Variants in EPSTI1 observed in about 807,000 individuals in gnomAD.
EPSTI1 encodes epithelial-stromal interaction protein 1.
EPSTI1 carries 66 observed loss-of-function variants against 49.9 expected under a neutral mutation model. The observed-to-expected ratio is 1.32, with a 90% confidence interval of 1.08 to 1.62. The LOEUF (loss-of-function observed/expected upper bound fraction) is 1.62. EPSTI1 is among the 40% of genes most tolerant of loss of function. The probability of loss-of-function intolerance (pLI) is 0.00; values close to 1 mark genes in which losing one functional copy is unlikely to be tolerated. For synonymous variants in EPSTI1, 137 were observed against 130.7 expected, an observed-to-expected ratio of 1.05 and a Z score of -0.33; for missense variants, 394 against 365.5, an observed-to-expected ratio of 1.08 and a Z score of -0.64.
intron 2 of EPSTI1, chr13:42,970,062 C>A (rs891529037): frequency 6.6e-6 from 1 of 152,312 alleles, no homozygotes; most frequent in Non-Finnish European, 1.5e-5. Context: ...CCCTTTTGTG[C>A]CTTTCTGTCC....
At chr13:42,909,226 C>A (rs2037593949) in intron 8 of EPSTI1, among the ~76,000 whole-genome samples, 1 of 152,012 alleles carries the variant, frequency 6.6e-6, no homozygotes, top group Non-Finnish European at 1.5e-5. Flanking sequence ...CAAACTAAAA[C>A]CACGATGAGC....
intron 8 of EPSTI1, among the ~76,000 whole-genome samples, chr13:42,909,512 A>C (rs2037602672): frequency 6.6e-6 from 1 of 152,234 alleles, no homozygotes; most frequent in Admixed American, 6.5e-5. Context: ...TACTGTTCAC[A>C]ATAGCCAAGA....
At chr13:42,961,290 A>G (rs940632633) in intron 5 of EPSTI1, among the ~76,000 whole-genome samples, 20 of 152,320 alleles carry the variant, frequency 1.3e-4, no homozygotes, top group Admixed American at 3.3e-4. Context: ...TGATTTCCAC[A>G]TCGTAAATAT....
At position 42,922,983 on chromosome 13, in the gene EPSTI1, C is replaced by T. The variant is rs887280536; in HGVS notation, c.657+3353G>A. Among the ~76,000 whole-genome samples the T allele has an allele frequency of 3.3e-5, 5 of 152,118 alleles. No homozygotes were observed. The highest frequency in any genetic ancestry group is 5.9e-5 in the Non-Finnish European group (4 of 68,026). ...ATTTCAAAAGCTTTGCTTCCCCTTA[C>T]CTTGCTTGCAAAAGCTTTGCTTCCC... On this transcript the variant is annotated intron_variant, in intron 7 of 10. Transcript: ENST00000313624. This position sits in a 1 kb window ranked among gnomAD's most constrained non-coding sequence, Gnocchi z 4.8.
chr13:42,901,054 C>T (rs1304807267), intron 8 of EPSTI1, among the ~76,000 whole-genome samples: 2 of 151,982 alleles, frequency 1.3e-5, no homozygotes, highest in African/African-American at 4.8e-5. Context: ...AGTATTATAC[C>T]GAAGAACCAA....
chr13:42,925,383 C>T (rs2038138818), intron 7 of EPSTI1, among the ~76,000 whole-genome samples: 1 of 152,148 alleles, frequency 6.6e-6, no homozygotes, highest in African/African-American at 2.4e-5. Context: ...GGTTTTCTAC[C>T]AGGAGCACCA....
chr13:42,981,163 C>A (rs2039980724), intron 1 of EPSTI1, among the ~76,000 whole-genome samples: 1 of 152,144 alleles, frequency 6.6e-6, no homozygotes, highest in African/African-American at 2.4e-5. Context: ...ACAAAGGAAC[C>A]ATCATCAGCC....
At chr13:42,940,999 T>C (rs2038734631) in intron 6 of EPSTI1, among the ~76,000 whole-genome samples, 1 of 152,226 alleles carries the variant, frequency 6.6e-6, no homozygotes. Flanking sequence ...GCAAATATTT[T>C]TTCCTAGATT....
In EPSTI1 at chr13:42,966,799, C is replaced by T. The variant is rs1434783265; in HGVS notation, c.331+2295G>A. Among the ~76,000 whole-genome samples the T allele has an allele frequency of 7.0e-5, 6 of 85,988 alleles. 3 individuals carry two copies. The highest frequency in any genetic ancestry group is 2.1e-4 in the African/African-American group (6 of 28,122). The allele number at this position is 85,988 out of a possible 152,430, so 56.4% of individuals were successfully genotyped here. A position where few individuals can be genotyped will look rare whatever the true frequency, so the allele number is the denominator to read the frequency against. ...GGTGTGCCCAACAGCTCATTGAGAA[C>T]GGGCCAGGATGACAATGGCGGCTTT... is the stretch of plus-strand genomic sequence containing the variant. On this transcript the variant is annotated intron_variant, in intron 3 of 10. Coordinates refer to ENST00000313624, the MANE Select transcript of EPSTI1 (RefSeq NM_033255.5).
chr13:42,903,816 TTTATTTATAAAC>T (rs1175082520), intron 8 of EPSTI1, among the ~76,000 whole-genome samples: 1 of 152,202 alleles, frequency 6.6e-6, no homozygotes, highest in African/African-American at 2.4e-5. Flanking sequence ...CACAGGTGAA[TTTATTTATAAAC>T]TTGGAGTGAG....
intron 10 of EPSTI1, among the ~76,000 whole-genome samples, chr13:42,890,305 T>C (rs1172240269): frequency 6.7e-6 from 1 of 148,512 alleles, no homozygotes; most frequent in Non-Finnish European, 1.5e-5. Flanking sequence ...TCTTTTTTTT[T>C]TTTTTTTTTT....
chr13:42,991,929 G>T, intron 1 of EPSTI1, 49 bp downstream of exon 1: 3 of 1,607,754 alleles, frequency 1.9e-6, no homozygotes, highest in Non-Finnish European at 8.5e-7. Flanking sequence ...GAGTGAGTAT[G>T]TTTGGGGCCC....
intron 6 of EPSTI1, among the ~76,000 whole-genome samples, chr13:42,931,445 T>G (rs2038368346): frequency 6.6e-6 from 1 of 151,860 alleles, no homozygotes; most frequent in Non-Finnish European, 1.5e-5. Context: ...GACCTCATGA[T>G]CCACCCGCCT....
In EPSTI1 at chr13:42,895,020, C is replaced by T. The variant is rs779970070; in HGVS notation, c.904G>A (p.Gly302Ser). ...AAGAAAAAACTCACCCAGCTGTTAC[C>T]GCTATTCATATTCCAACAGCCTCCA... ...QSGGCWNMNS[G>S]NSWGI Residue 302 changes from glycine (G) to serine (S), a missense_variant, in exon 10 of 11, where the codon GGT (glycine) becomes AGT (serine). Coordinates refer to ENST00000313624, the MANE Select transcript of EPSTI1 (RefSeq NM_033255.5). The T allele has an allele frequency of 2.0e-5, 33 of 1,611,204 alleles. No individual in the cohort carries two copies. The highest frequency in any genetic ancestry group is 2.5e-5 in the Non-Finnish European group (30 of 1,178,466).
chr13:42,946,739 C>T (rs1203661664), intron 6 of EPSTI1, among the ~76,000 whole-genome samples: 3 of 152,208 alleles, frequency 2.0e-5, no homozygotes, highest in Non-Finnish European at 1.5e-5. Context: ...GTGCTCACCA[C>T]CCCTATGTAT....
Position 42,946,470 on chromosome 13 carries a change from G to A in EPSTI1, c.563+7478C>T, listed in dbSNP as rs2038920771. Among the ~76,000 whole-genome samples, 10 of 152,156 alleles carry A rather than the reference G, an allele frequency of 6.6e-5. 1 individual carries two copies. The highest frequency in any genetic ancestry group is 6.5e-4 in the Admixed American group (10 of 15,282). On this transcript the variant is annotated intron_variant, in intron 6 of 10. Coordinates refer to ENST00000313624, the MANE Select transcript of EPSTI1 (RefSeq NM_033255.5). ...GTACGTAGGAATAGAGTGCAGCCAGGAGAGGTCACAAAAGCCCACCTACCC... is the reference window on the plus strand; with the variant it reads ...GTACGTAGGAATAGAGTGCAGCCAGAAGAGGTCACAAAAGCCCACCTACCC...
At chr13:42,896,386 A>G (rs2037189630) in intron 9 of EPSTI1, among the ~76,000 whole-genome samples, 1 of 152,102 alleles carries the variant, frequency 6.6e-6, no homozygotes, top group South Asian at 2.1e-4. Context: ...TCCCCAGTAA[A>G]CAACACAACC....
At chr13:42,957,982 G>A (rs1225863352) in intron 5 of EPSTI1, among the ~76,000 whole-genome samples, 1 of 152,238 alleles carries the variant, frequency 6.6e-6, no homozygotes, top group East Asian at 1.9e-4. Context: ...ATCTTGCCCA[G>A]ACTGGTCTCA....
intron 4 of EPSTI1, chr13:42,963,608 ATG>A: frequency 4.2e-6 from 2 of 474,942 alleles, no homozygotes; most frequent in Non-Finnish European, 7.4e-6. Context: ...CTCTGTGTGT[ATG>A]TGTGTGTGGT....
Sources: allele counts gnomAD v4.1 joint callset (sites outside exome capture counted in the v4.1 genomes callset), GRCh38; gene constraint gnomAD v4.1.1; non-coding constraint Gnocchi (gnomAD v3.1); transcripts MANE v1.5; gene names NCBI Gene and HGNC (gene_info 2026-07-23, HGNC 2026-07-21).